The following PCCA variants were observed in gnomAD, a reference collection of about 807,000 sequenced individuals.
PCCA encodes the protein propionyl-CoA carboxylase alpha chain, mitochondrial.
PCCA carries 74 observed loss-of-function variants against 101.3 expected under a neutral mutation model. The observed-to-expected ratio is 0.73, with a 90% CI of 0.61 to 0.89. The LOEUF is 0.89. Among genes scored for constraint, PCCA ranks in the 40% least tolerant of loss-of-function variants. The pLI is 0.00. For missense variants in PCCA, 891 were observed against 907.0 expected (o/e 0.98, Z 0.23); for synonymous variants, 294 against 313.6 (o/e 0.94, Z 0.66).
chr13:100,405,795 G>A (rs867049687), intron 19 of PCCA, among the ~76,000 whole-genome samples: 2 of 117,936 alleles, frequency 1.7e-5, no homozygotes, highest in African/African-American at 6.0e-5. Context: ...TTTTTGAGAT[G>A]GAGTCTTGCT....
intron 14 of PCCA, among the ~76,000 whole-genome samples, chr13:100,303,487 G>A (rs1310728501): frequency 6.6e-6 from 1 of 152,010 alleles, no homozygotes. Flanking sequence ...ATTTATATCA[G>A]TTAAATAAAA....
At chr13:100,527,508 A>G (rs1191220519) in intron 22 of PCCA, among the ~76,000 whole-genome samples, 167 bp from the exon 23 acceptor site, 4 of 151,874 alleles carry the variant, frequency 2.6e-5, no homozygotes, top group African/African-American at 9.7e-5. Context: ...GCTTTTCTCT[A>G]CTGTTCCTAA....
intron 6 of PCCA, among the ~76,000 whole-genome samples, chr13:100,203,228 C>T (rs1006151376): frequency 2.7e-5 from 4 of 146,286 alleles, no homozygotes; most frequent in African/African-American, 7.6e-5. Flanking sequence ...GAGCTGAGGT[C>T]GCGCCACTGC....
At chr13:100,297,955 C>G (rs1266500553) in intron 12 of PCCA, among the ~76,000 whole-genome samples, 3 of 151,704 alleles carry the variant, frequency 2.0e-5, no homozygotes, top group Non-Finnish European at 4.4e-5. Context: ...AGGGCTTACT[C>G]CTTTTTTGTG....
intron 6 of PCCA, among the ~76,000 whole-genome samples, chr13:100,195,493 G>C (rs1250561935): frequency 6.6e-6 from 1 of 152,092 alleles, no homozygotes; most frequent in Admixed American, 6.5e-5. Context: ...TTTCCTTAAA[G>C]GAGGGAGGCT....
chr13:100,239,353 G>C (rs1156651275), intron 8 of PCCA, among the ~76,000 whole-genome samples: 1 of 152,140 alleles, frequency 6.6e-6, no homozygotes, highest in African/African-American at 2.4e-5. Context: ...TAAACCAATG[G>C]GATTAGAGGA....
chr13:100,348,057 A>T (rs2072557219), intron 18 of PCCA, among the ~76,000 whole-genome samples: 1 of 152,156 alleles, frequency 6.6e-6, no homozygotes, highest in South Asian at 2.1e-4. Flanking sequence ...GAACCTTCAC[A>T]TTTTGGCTTT....
intron 21 of PCCA, among the ~76,000 whole-genome samples, chr13:100,472,105 G>C (rs922073476): frequency 1.1e-4 from 16 of 152,128 alleles, no homozygotes; most frequent in Non-Finnish European, 1.2e-4. Context: ...ATGGGGCTGC[G>C]TTCCCTATTT....
rs2063183209 is a variant in PCCA, at chr13:100,269,809, T to C, written c.914+1026T>C. Among the ~76,000 whole-genome samples the C allele has an allele frequency of 2.0e-5, 3 of 152,326 alleles. No individual in the cohort carries two copies. The South Asian group carries it at 6.2e-4, about 32-fold the overall frequency. The stretch of plus-strand genomic sequence containing the variant: ...CCCGGAGTAATGGTAAAAATTCAAC[T>C]CTATTTTAGTTACATTGGTTTTTAA... On this transcript the variant is annotated intron_variant, in intron 11 of 23. Transcript: ENST00000376285.
At chr13:100,180,713 G>A (rs879495277) in intron 6 of PCCA, among the ~76,000 whole-genome samples, 3 of 152,178 alleles carry the variant, frequency 2.0e-5, no homozygotes, top group Non-Finnish European at 4.4e-5. Flanking sequence ...TTGACTTTCT[G>A]TCTGGCTAGT....
At chr13:100,483,550 A>T (rs1216813801) in intron 21 of PCCA, among the ~76,000 whole-genome samples, 1 of 152,224 alleles carries the variant, frequency 6.6e-6, no homozygotes. Flanking sequence ...CAGAAGAATA[A>T]ACTATACCGC....
intron 6 of PCCA, among the ~76,000 whole-genome samples, chr13:100,169,349 G>A (rs541905843): frequency 6.6e-6 from 1 of 150,986 alleles, no homozygotes; most frequent in Non-Finnish European, 1.5e-5. Context: ...GCTGAGGTAG[G>A]AGAATCGCTG....
chr13:100,499,293 C>T (rs980102658), intron 21 of PCCA, among the ~76,000 whole-genome samples: 4 of 152,176 alleles, frequency 2.6e-5, no homozygotes, highest in Non-Finnish European at 4.4e-5. Context: ...TTTTGTATCC[C>T]GGAAGATAAT....
chr13:100,445,368 T>G (rs1174278664), intron 20 of PCCA, among the ~76,000 whole-genome samples: 1 of 151,202 alleles, frequency 6.6e-6, no homozygotes, highest in East Asian at 1.9e-4. Context: ...GTGGATACAC[T>G]GTGGAATGGC....
intron 4 of PCCA, among the ~76,000 whole-genome samples, chr13:100,148,709 C>T (rs1257902789): frequency 1.3e-5 from 2 of 151,980 alleles, no homozygotes; most frequent in Non-Finnish European, 2.9e-5. Context: ...ACCCAAACAG[C>T]AAAAAAACCC....
intron 7 of PCCA, among the ~76,000 whole-genome samples, chr13:100,234,370 A>C (rs531393293): frequency 5.3e-5 from 8 of 152,324 alleles, no homozygotes; most frequent in African/African-American, 1.9e-4. Context: ...ATAAAGCAGT[A>C]AACCTTGATT....
rs2063427075 is a variant in PCCA at position 100,273,280 on chromosome 13, G to A, written c.999G>A (p.Gly333=). The change falls in exon 12 of 24, where the codon GGG becomes GGA. Residue 333 remains glycine (G), a synonymous_variant. Coordinates refer to ENST00000376285, the MANE Select transcript of PCCA (RefSeq NM_000282.4). ...GAGCAGTAAAATATTCCTCTGCTGG[G>A]ACCGTGGAGTTCCTTGTGGACTCTA... ...LARAVKYSSA[G]TVEFLVDSKK... The A allele has an allele frequency of 6.2e-7, 1 of 1,612,248 alleles. No homozygotes were observed. Among genetic ancestry groups the A allele is most frequent in the African/African-American group, 1.3e-5 (1 of 74,994 alleles).
At chr13:100,348,771 T>TTCCTTCCTTCCTTC (rs1566976199) in intron 18 of PCCA, among the ~76,000 whole-genome samples, 1 of 91,954 alleles carries the variant, frequency 1.1e-5, no homozygotes, top group Non-Finnish European at 2.3e-5. Context: ...TTTCTTTCTT[T>TTCCTTCCTTCCTTC]CTTTCTTTCT....
chr13:100,518,858 T>A (rs1289973492), intron 22 of PCCA, among the ~76,000 whole-genome samples: 1 of 152,244 alleles, frequency 6.6e-6, no homozygotes, highest in East Asian at 1.9e-4. Flanking sequence ...TTAGCATGAC[T>A]CAGCTGTTTC....
Sources: allele counts gnomAD v4.1 joint callset (sites outside exome capture counted in the v4.1 genomes callset), GRCh38; gene constraint gnomAD v4.1.1; transcripts MANE v1.5; gene names NCBI Gene and HGNC (gene_info 2026-07-23, HGNC 2026-07-21).